Variants in PRKAR1A observed in about 807,000 individuals in gnomAD.
PRKAR1A encodes cAMP-dependent protein kinase type I-alpha regulatory subunit.
In PRKAR1A, 3 loss-of-function variants were observed where a neutral mutation model predicts 52.0. That is an observed-to-expected ratio of 0.06 (90% CI 0.03 to 0.15). The LOEUF is 0.15. Ranked by LOEUF, PRKAR1A falls within the 10% of genes least tolerant of loss-of-function variation. The probability of loss-of-function intolerance (pLI) is 1.00; values close to 1 mark genes in which losing one functional copy is unlikely to be tolerated. For synonymous variants in PRKAR1A, 188 were observed against 168.4 expected (o/e 1.12, Z -0.90); for missense variants, 240 against 477.4 (o/e 0.50, Z 4.63).
intron 10 of PRKAR1A, 47 bp downstream of exon 10, chr17:68,530,048 C>T (rs2085923234): frequency 1.9e-6 from 3 of 1,577,202 alleles, no homozygotes; most frequent in African/African-American, 1.3e-5. Flanking sequence ...CTTTAAGTCA[C>T]CTCTCAGTGA....
At chr17:68,492,965 A>G in the PRKAR1A span, among the ~76,000 whole-genome samples, 6 of 152,200 alleles carry the variant, frequency 3.9e-5, no homozygotes, top group South Asian at 4.1e-4. Flanking sequence ...TAGTGCTGCA[A>G]TGAACATATG....
chr17:68,461,489 A>G, the PRKAR1A span, among the ~76,000 whole-genome samples: 44 of 152,200 alleles, frequency 2.9e-4, no homozygotes, highest in African/African-American at 1.1e-3. The surrounding 1 kb of genome is among the most constrained non-coding windows in gnomAD (Gnocchi z 4.6). Flanking sequence ...GTCACCCCAT[A>G]TGGTCATTCA....
upstream of PRKAR1A, among the ~76,000 whole-genome samples, chr17:68,507,615 T>A (rs187224549): frequency 3.1e-4 from 47 of 152,292 alleles, no homozygotes; most frequent in African/African-American, 1.1e-3. Context: ...ACCTGCACGT[T>A]CTTCTGCACA....
At chr17:68,436,466 G>C in the PRKAR1A span, 1 of 1,613,928 alleles carries the variant, frequency 6.2e-7, no homozygotes, top group Non-Finnish European at 8.5e-7. Flanking sequence ...GGTTGATAGA[G>C]AGAGCACATA....
chr17:68,443,383 G>A, the PRKAR1A span, among the ~76,000 whole-genome samples: 1 of 152,078 alleles, frequency 6.6e-6, no homozygotes, highest in South Asian at 2.1e-4. Context: ...AATGTGCTGC[G>A]ATTATAGGTG....
intron 2 of PRKAR1A, among the ~76,000 whole-genome samples, chr17:68,518,650 T>A (rs1434339356): frequency 6.6e-6 from 1 of 152,218 alleles, no homozygotes; most frequent in Admixed American, 6.5e-5. Flanking sequence ...GGGCCTATGA[T>A]GGGAGGGGCT....
At chr17:68,437,410 T>TCAGGTGTGGTTGCATGTG in the PRKAR1A span, among the ~76,000 whole-genome samples, 8 of 151,670 alleles carry the variant, frequency 5.3e-5, no homozygotes, top group Admixed American at 5.2e-4. Flanking sequence ...CAAAAATTAG[T>TCAGGTGTGGTTGCATGTG]CAGGTGTGGT....
the PRKAR1A span, among the ~76,000 whole-genome samples, chr17:68,456,500 GGAAA>G: frequency 0.34 from 51,640 of 151,824 alleles, 8,986 homozygotes; most frequent in Middle Eastern, 0.4. Context: ...ATGAAAATAG[GGAAA>G]GAAACAGGCG....
chr17:68,497,340 C>T, the PRKAR1A span, among the ~76,000 whole-genome samples: 1 of 152,062 alleles, frequency 6.6e-6, no homozygotes, highest in African/African-American at 2.4e-5. Context: ...AAAATAATTA[C>T]CTATTTGACC....
chr17:68,429,021 A>G, the PRKAR1A span: 1 of 994,964 alleles, frequency 1.0e-6, no homozygotes, highest in East Asian at 2.6e-5. Flanking sequence ...CCCTCACCCT[A>G]GCTGTCACCA....
chr17:68,486,513 CTTTCTTTCTTTCTTTCTTTCT>C, the PRKAR1A span, among the ~76,000 whole-genome samples: 1 of 57,270 alleles, frequency 1.7e-5, no homozygotes, highest in African/African-American at 6.4e-5. Context: ...TTCCTTCTTT[CTTTCTTTCTTTCTTTCTTTCT>C]TTCTTTCTTT....
chr17:68,450,511 C>G, the PRKAR1A span, among the ~76,000 whole-genome samples: 1 of 152,226 alleles, frequency 6.6e-6, no homozygotes, highest in Non-Finnish European at 1.5e-5. Context: ...GACCAACGTT[C>G]TGGAAACATG....
Position 68,550,740 on chromosome 17 carries a change from G to A in PRKAR1A, c.974-344G>A, listed in dbSNP as rs1396234779. ...TGCCTGGGCCTTGGGATCACGGGGA[G>A]AGCCCCCAGAGCTAGTCCACTGGAC... On this transcript the variant is annotated intron_variant, in intron 11 of 11. Coordinates refer to the PRKAR1A transcript ENST00000585981. Among the ~76,000 whole-genome samples, 5 of 152,180 alleles carry A rather than the reference G, an allele frequency of 3.3e-5. No individual in the cohort carries two copies. In the East Asian group the frequency reaches 7.7e-4, roughly 23 times the overall value.
intron 11 of PRKAR1A, among the ~76,000 whole-genome samples, chr17:68,546,284 T>C (rs1031753673): frequency 1.3e-5 from 2 of 151,996 alleles, no homozygotes; most frequent in African/African-American, 4.8e-5. Flanking sequence ...AGTTCTCTTT[T>C]ATTTCCACAT....
the PRKAR1A span, among the ~76,000 whole-genome samples, chr17:68,488,056 G>A: frequency 1.8e-3 from 279 of 152,252 alleles, 2 homozygotes; most frequent in African/African-American, 6.4e-3. Context: ...GAAGCACAGG[G>A]GAGTAGGGGG....
intron 11 of PRKAR1A, among the ~76,000 whole-genome samples, chr17:68,547,785 T>C (rs1221377535): frequency 6.6e-6 from 1 of 152,254 alleles, no homozygotes; most frequent in African/African-American, 2.4e-5. Flanking sequence ...TGCTTTCTTA[T>C]CATTCGTGTT....
chr17:68,490,439 T>C, the PRKAR1A span, among the ~76,000 whole-genome samples: 2 of 152,208 alleles, frequency 1.3e-5, no homozygotes, highest in Non-Finnish European at 2.9e-5. Flanking sequence ...TTCTCCTTTT[T>C]CTTAGCCCTG....
chr17:68,430,373 A>AT, the PRKAR1A span, among the ~76,000 whole-genome samples: 1 of 152,220 alleles, frequency 6.6e-6, no homozygotes, highest in African/African-American at 2.4e-5. Flanking sequence ...CAGAAGAGCC[A>AT]TTGTAAAGCT....
At chr17:68,416,980 A>AT in the PRKAR1A span, among the ~76,000 whole-genome samples, 2 of 151,798 alleles carry the variant, frequency 1.3e-5, no homozygotes, top group Non-Finnish European at 2.9e-5. Context: ...TTAATCAGGG[A>AT]TTTTTTTCTT....
Sources: gnomAD v4.1 joint callset for allele counts (sites outside exome capture counted in the v4.1 genomes callset) on GRCh38, gnomAD v4.1.1 for gene constraint, Gnocchi (gnomAD v3.1) non-coding constraint, MANE v1.5 for transcripts, NCBI Gene and HGNC (gene_info 2026-07-23, HGNC 2026-07-21) for gene names.